Variants in ELAVL4 observed in about 807,000 individuals in gnomAD.
The protein encoded by ELAVL4 is ELAV-like protein 4.
ELAVL4 carries 1 observed loss-of-function variant against 35.6 expected under a neutral mutation model. The observed-to-expected ratio is 0.03, with a 90% CI of 0.01 to 0.13. The LOEUF (loss-of-function observed/expected upper bound fraction) is 0.13. ELAVL4 is among the 10% of genes least tolerant of loss of function. The pLI is 1.00. For synonymous variants in ELAVL4, 156 were observed against 171.0 expected, an observed-to-expected ratio of 0.91 and a Z score of 0.69; for missense variants, 267 against 464.9, an observed-to-expected ratio of 0.57 and a Z score of 3.91.
chr1:50,083,067 AT>A (rs945843143), intron 1 of ELAVL4, among the ~76,000 whole-genome samples: 2 of 152,052 alleles, frequency 1.3e-5, no homozygotes, highest in African/African-American at 4.8e-5. Context: ...ACCAACAGCC[AT>A]TTTTTTAAGA....
At chr1:50,092,456 AT>A (rs1243622653) in intron 1 of ELAVL4, among the ~76,000 whole-genome samples, 1 of 152,224 alleles carries the variant, frequency 6.6e-6, no homozygotes, top group Non-Finnish European at 1.5e-5. Flanking sequence ...CCCTGGCAGC[AT>A]TGCTGAGCTA....
Position 50,202,733 on chromosome 1 carries a change from C to T in ELAVL4, c.*1555C>T, listed in dbSNP as rs1273507136. On this transcript the variant is annotated 3_prime_UTR_variant, in exon 7 of 7. Transcript: ENST00000371824. Reference sequence around the variant, plus strand: ...ATTTATTATAAGTTGTAACACTTGGCTAGTTTTGTTTGTATATGTCTTAAA... The same window carrying T: ...ATTTATTATAAGTTGTAACACTTGGTTAGTTTTGTTTGTATATGTCTTAAA... The T allele has an allele frequency of 6.6e-6, 1 of 151,880 alleles. No individual in the cohort carries two copies. Among genetic ancestry groups the T allele is most frequent in the African/African-American group, 2.4e-5 (1 of 41,366 alleles). 9.4% of individuals were successfully genotyped at this position (151,880 alleles called of 1,614,324 possible).
At chr1:50,192,557 ACACACACT>A (rs1682831041) in intron 3 of ELAVL4, among the ~76,000 whole-genome samples, 1 of 150,156 alleles carries the variant, frequency 6.7e-6, no homozygotes, top group East Asian at 1.9e-4. Context: ...ACACACACAC[ACACACACT>A]CTCACCCCTA....
At chr1:50,085,490 T>C (rs1449848194) in intron 1 of ELAVL4, among the ~76,000 whole-genome samples, 1 of 152,192 alleles carries the variant, frequency 6.6e-6, no homozygotes, top group Non-Finnish European at 1.5e-5. Flanking sequence ...TCAGCCTTCA[T>C]AATCTGGGCA....
intron 2 of ELAVL4, among the ~76,000 whole-genome samples, chr1:50,154,102 C>G (rs997505158): frequency 6.7e-4 from 102 of 152,226 alleles, no homozygotes; most frequent in Non-Finnish European, 5.7e-4. Context: ...CAGGACTACT[C>G]TGTCGGGTAA....
chr1:50,196,379 G>A (rs1644060162), intron 5 of ELAVL4, among the ~76,000 whole-genome samples: 1 of 152,184 alleles, frequency 6.6e-6, no homozygotes, highest in Admixed American at 6.5e-5. Flanking sequence ...GGGCAGGGGG[G>A]CATTGCCCTT....
chr1:50,151,209 C>G (rs75376851), intron 2 of ELAVL4, among the ~76,000 whole-genome samples: 1 of 152,186 alleles, frequency 6.6e-6, no homozygotes, highest in East Asian at 1.9e-4. Context: ...TGGCAGTTTG[C>G]CCCAAAATAC....
rs191853593 is a variant in ELAVL4, at chr1:50,159,550, A to C, written c.250+14353A>C. ...CTTGAACCTGAGAGGCGGAGGTTGCAGTGAGCTGAGATCACACCACTGCAC... is the reference window on the plus strand; with the variant it reads ...CTTGAACCTGAGAGGCGGAGGTTGCCGTGAGCTGAGATCACACCACTGCAC... On this transcript the variant is annotated intron_variant, in intron 2 of 6. Transcript: ENST00000371824. 3.9e-5 allele frequency among the ~76,000 whole-genome samples: 6 copies of C among 152,218 alleles called. No homozygotes were observed. In the East Asian group the frequency reaches 1.2e-3, roughly 29 times the overall value.
chr1:50,151,088 A>G (rs966286358), intron 2 of ELAVL4, among the ~76,000 whole-genome samples: 11 of 152,338 alleles, frequency 7.2e-5, no homozygotes, highest in Middle Eastern at 3.4e-3. Flanking sequence ...GAAACTTGAA[A>G]TCAGGAGCAG....
rs1186797786 is a variant in ELAVL4, at chr1:50,121,094, A to C, written c.9+11896A>C. 2.0e-5 allele frequency among the ~76,000 whole-genome samples: 3 copies of C among 152,074 alleles called. No homozygotes were observed. In the East Asian group the frequency reaches 5.8e-4, roughly 29 times the overall value. On this transcript the variant is annotated intron_variant, in intron 1 of 6. Coordinates refer to ENST00000371824, the MANE Select transcript of ELAVL4 (RefSeq NM_001144774.3). ...AAAATGTTTATTGAATTAGGTTGTCATAATATGGCTTTTGTTGGGGGTTTT... is the reference window on the plus strand; with the variant it reads ...AAAATGTTTATTGAATTAGGTTGTCCTAATATGGCTTTTGTTGGGGGTTTT...
intron 2 of ELAVL4, among the ~76,000 whole-genome samples, chr1:50,148,960 A>G (rs1169088071): frequency 6.6e-6 from 1 of 152,166 alleles, no homozygotes; most frequent in Non-Finnish European, 1.5e-5. Context: ...TGACCAGGGC[A>G]AGGTTAGGTG....
chr1:50,090,864 G>A (rs763215903), intron 1 of ELAVL4, among the ~76,000 whole-genome samples: 5 of 152,172 alleles, frequency 3.3e-5, no homozygotes, highest in Non-Finnish European at 5.9e-5. Context: ...AAAGGAAATA[G>A]GACTGGGTGG....
At chr1:50,191,979 G>C (rs1682728196) in intron 3 of ELAVL4, among the ~76,000 whole-genome samples, 1 of 152,096 alleles carries the variant, frequency 6.6e-6, no homozygotes, top group Non-Finnish European at 1.5e-5. Flanking sequence ...AAATAGTTCT[G>C]CTATTGACAC....
At chr1:50,088,702 C>T (rs1032326150) in intron 1 of ELAVL4, among the ~76,000 whole-genome samples, 2 of 152,152 alleles carry the variant, frequency 1.3e-5, no homozygotes, top group African/African-American at 4.8e-5. Flanking sequence ...ACTTCTATAG[C>T]ATTAACCACC....
chr1:50,082,658 T>A (rs1665061045), intron 1 of ELAVL4, among the ~76,000 whole-genome samples: 1 of 152,188 alleles, frequency 6.6e-6, no homozygotes, highest in Non-Finnish European at 1.5e-5. Flanking sequence ...AAGTCATGAT[T>A]TTACCTATTC....
At chr1:50,132,531 G>A (rs532173367) in intron 1 of ELAVL4, among the ~76,000 whole-genome samples, 1 of 152,148 alleles carries the variant, frequency 6.6e-6, no homozygotes, top group Non-Finnish European at 1.5e-5. Flanking sequence ...GAAGGTTGCT[G>A]CCGGGCGATA....
chr1:50,167,622 C>A (rs565687603), intron 2 of ELAVL4, among the ~76,000 whole-genome samples: 1 of 152,274 alleles, frequency 6.6e-6, no homozygotes, highest in African/African-American at 2.4e-5. Flanking sequence ...AGCCAGGTCA[C>A]CCTTGGTGAG....
intron 1 of ELAVL4, among the ~76,000 whole-genome samples, chr1:50,065,509 A>T (rs1664216508): frequency 6.6e-6 from 1 of 152,160 alleles, no homozygotes; most frequent in Admixed American, 6.5e-5. Context: ...GAATAATAAT[A>T]TTTACTGCAT....
chr1:50,150,125 G>A (rs748628939), intron 2 of ELAVL4, among the ~76,000 whole-genome samples: 6 of 152,146 alleles, frequency 3.9e-5, no homozygotes, highest in East Asian at 1.9e-4. Flanking sequence ...AAGAAGTAGC[G>A]CTGGAACATG....
Sources: gnomAD v4.1 joint callset for allele counts (sites outside exome capture counted in the v4.1 genomes callset) on GRCh38, gnomAD v4.1.1 for gene constraint, MANE v1.5 for transcripts, NCBI Gene and HGNC (gene_info 2026-07-23, HGNC 2026-07-21) for gene names.